The following KIF6 variants were observed in gnomAD, a reference collection of about 807,000 sequenced individuals.
KIF6 encodes the protein kinesin-like protein KIF6.
KIF6 carries 106 observed loss-of-function variants against 112.7 expected under a neutral mutation model. That is an observed-to-expected ratio of 0.94 (90% CI 0.80 to 1.11). The LOEUF (loss-of-function observed/expected upper bound fraction) is 1.11. Ranked by LOEUF, KIF6 falls within the 50% of genes least tolerant of loss-of-function variation. The pLI, the probability that KIF6 is intolerant of heterozygous loss-of-function variation, is 0.00. For missense variants in KIF6, 929 were observed against 964.0 expected, an observed-to-expected ratio of 0.96 and a Z score of 0.48; for synonymous variants, 339 against 339.9, an observed-to-expected ratio of 1.00 and a Z score of 0.03.
chr6:39,657,395 G>T (rs960446324), intron 3 of KIF6, among the ~76,000 whole-genome samples: 23 of 152,190 alleles, frequency 1.5e-4, no homozygotes, highest in Middle Eastern at 3.4e-3. Flanking sequence ...AAGGGAGGGA[G>T]AGCTTAATAA....
intron 7 of KIF6, among the ~76,000 whole-genome samples, chr6:39,591,648 C>T (rs996236287): frequency 1.3e-5 from 2 of 152,132 alleles, no homozygotes; most frequent in African/African-American, 4.8e-5. Context: ...TTGAGGAATA[C>T]TATAAGCCCA....
intron 13 of KIF6, among the ~76,000 whole-genome samples, chr6:39,454,943 AG>A (rs1216029211): frequency 1.3e-5 from 2 of 151,524 alleles, no homozygotes; most frequent in Non-Finnish European, 3.0e-5. Flanking sequence ...AGGCTGGGGG[AG>A]GGGCGCCCGC....
chr6:39,441,236 C>T (rs1771904801), intron 13 of KIF6, among the ~76,000 whole-genome samples: 2 of 152,204 alleles, frequency 1.3e-5, no homozygotes, highest in South Asian at 4.1e-4. Context: ...GTTCTCAGCA[C>T]AGTTTTTCAG....
chr6:39,534,921 GA>G (rs1778322993), intron 13 of KIF6, among the ~76,000 whole-genome samples: 1 of 152,184 alleles, frequency 6.6e-6, no homozygotes, highest in South Asian at 2.1e-4. Flanking sequence ...CGTTCTTAAA[GA>G]AAAGAATTTT....
intron 10 of KIF6, among the ~76,000 whole-genome samples, chr6:39,546,825 C>CAAA (rs35366749): frequency 5.2e-4 from 54 of 104,084 alleles, no homozygotes; most frequent in Non-Finnish European, 8.9e-4. Flanking sequence ...GACCCTGTCT[C>CAAA]AAAAAAAAAA....
intron 3 of KIF6, among the ~76,000 whole-genome samples, chr6:39,652,283 AC>A (rs540308995): frequency 7.2e-5 from 11 of 152,152 alleles, no homozygotes; most frequent in Non-Finnish European, 1.3e-4. Flanking sequence ...TAATCCCAGC[AC>A]TTTGGGAGGC....
chr6:39,598,693 C>A (rs1782422694), intron 6 of KIF6, among the ~76,000 whole-genome samples: 1 of 151,710 alleles, frequency 6.6e-6, no homozygotes, highest in Non-Finnish European at 1.5e-5. Flanking sequence ...TTAGGGTTAG[C>A]AAGAAATTGG....
chr6:39,661,214 AT>A (rs1582392221), intron 3 of KIF6, among the ~76,000 whole-genome samples: 1 of 152,136 alleles, frequency 6.6e-6, no homozygotes, highest in Non-Finnish European at 1.5e-5. Flanking sequence ...GATAATAATA[AT>A]TTTTTAAATG....
intron 3 of KIF6, among the ~76,000 whole-genome samples, chr6:39,688,209 G>T (rs1787985871): frequency 6.6e-6 from 1 of 152,192 alleles, no homozygotes; most frequent in South Asian, 2.1e-4. Context: ...CTCCTGCTGG[G>T]GTTTCCCATT....
intron 3 of KIF6, among the ~76,000 whole-genome samples, chr6:39,663,683 T>A (rs1786293652): frequency 6.6e-6 from 1 of 151,970 alleles, no homozygotes; most frequent in Admixed American, 6.6e-5. Flanking sequence ...AGACATGAGC[T>A]GAGCAGGGAG....
intron 3 of KIF6, among the ~76,000 whole-genome samples, chr6:39,640,535 CA>C (rs2150769618): frequency 6.6e-6 from 1 of 152,188 alleles, no homozygotes; most frequent in Admixed American, 6.5e-5. Flanking sequence ...GAGATGTTTT[CA>C]TTAAACTAGC....
chr6:39,696,855 T>C (rs1788570734), intron 3 of KIF6, among the ~76,000 whole-genome samples: 1 of 152,006 alleles, frequency 6.6e-6, no homozygotes, highest in African/African-American at 2.4e-5. Flanking sequence ...TGTTAGCTCT[T>C]TTTTAAATCT....
chr6:39,615,587 T>C (rs949306422), intron 5 of KIF6, among the ~76,000 whole-genome samples: 2 of 151,844 alleles, frequency 1.3e-5, no homozygotes, highest in African/African-American at 4.8e-5. Flanking sequence ...GTCTGGGTAT[T>C]AGAATTTGTA....
At chr6:39,592,222 G>A (rs1486231876) in intron 7 of KIF6, among the ~76,000 whole-genome samples, 2 of 152,324 alleles carry the variant, frequency 1.3e-5, no homozygotes, top group East Asian at 3.9e-4. Context: ...TTCTCTAACT[G>A]ACAAGGAGTA....
intron 10 of KIF6, among the ~76,000 whole-genome samples, chr6:39,555,512 C>T (rs1216035955): frequency 1.3e-5 from 2 of 152,120 alleles, no homozygotes; most frequent in Non-Finnish European, 2.9e-5. Context: ...AGGGTGCTAA[C>T]AGAATGGAAC....
At position 39,537,544 on chromosome 6, in the gene KIF6, C is replaced by T. The variant is rs1305370083; in HGVS notation, c.1645+2459G>A. Among the ~76,000 whole-genome samples, 3 of 151,664 alleles carry T rather than the reference C, an allele frequency of 2.0e-5. No individual in the cohort carries two copies. The East Asian group carries it at 5.8e-4, about 29-fold the overall frequency. On this transcript the variant is annotated intron_variant, in intron 13 of 22. Transcript: ENST00000287152. ...GGACCTCTTCAAGGAGAACTACAAA[C>T]CACTGCTCAATGAAATAAAAGAGGA...
chr6:39,651,429 T>C (rs548878635), intron 3 of KIF6, among the ~76,000 whole-genome samples: 138 of 152,316 alleles, frequency 9.1e-4, no homozygotes, highest in African/African-American at 3.2e-3. Flanking sequence ...AGCAGGTGGC[T>C]GCCGTCAGTG....
intron 5 of KIF6, among the ~76,000 whole-genome samples, chr6:39,629,086 T>C (rs530924329): frequency 3.3e-4 from 50 of 152,276 alleles, no homozygotes; most frequent in Admixed American, 9.8e-4. Context: ...GATGAACATC[T>C]TGGTTCCTAC....
chr6:39,375,673 G>A (rs1271424067), intron 16 of KIF6, among the ~76,000 whole-genome samples: 1 of 152,120 alleles, frequency 6.6e-6, no homozygotes, highest in Admixed American at 6.6e-5. Context: ...CTGCAGGATT[G>A]GACTAGAACT....
Sources: allele counts gnomAD v4.1 joint callset (sites outside exome capture counted in the v4.1 genomes callset), GRCh38; gene constraint gnomAD v4.1.1; transcripts MANE v1.5; gene names NCBI Gene and HGNC (gene_info 2026-07-23, HGNC 2026-07-21).